The following ARHGAP15 variants were observed in gnomAD, a reference collection of about 807,000 sequenced individuals.
ARHGAP15 encodes rho GTPase-activating protein 15.
A neutral mutation model predicts 63.7 loss-of-function variants in ARHGAP15; 51 were observed. The observed-to-expected ratio is 0.80, with a 90% CI of 0.64 to 1.01. The LOEUF is 1.01. ARHGAP15 is among the 50% of genes least tolerant of loss of function. The pLI is 0.00. For synonymous variants in ARHGAP15, 191 were observed against 193.8 expected (o/e 0.99, Z 0.12); for missense variants, 560 against 564.6 (o/e 0.99, Z 0.08).
intron 11 of ARHGAP15, among the ~76,000 whole-genome samples, chr2:143,561,424 G>A (rs1210854031): frequency 6.6e-6 from 1 of 152,128 alleles, no homozygotes; most frequent in Non-Finnish European, 1.5e-5. Context: ...GTGTCTGTTA[G>A]TACACAGTTA....
chr2:143,167,677 G>A (rs1455779614), intron 2 of ARHGAP15, among the ~76,000 whole-genome samples: 1 of 151,984 alleles, frequency 6.6e-6, no homozygotes, highest in African/African-American at 2.4e-5. Flanking sequence ...TCAGAGGCCT[G>A]TTTCAGACTT....
Position 143,534,426 on chromosome 2 carries a change from G to A in ARHGAP15, c.925+15062G>A, listed in dbSNP as rs58532430. Among the ~76,000 whole-genome samples, 858 of 152,230 alleles carry A rather than the reference G, an allele frequency of 5.6e-3. 9 individuals carry two copies. Among genetic ancestry groups the A allele is most frequent in the African/African-American group, 0.019 (806 of 41,532 alleles). ...ACCCAGTGATGTATACACAGACAAC[G>A]CCACATACAGTAAAACTGCAGGAGA... is the stretch of plus-strand genomic sequence containing the variant. On this transcript the variant is annotated intron_variant, in intron 10 of 13. Coordinates refer to ENST00000295095, the MANE Select transcript of ARHGAP15 (RefSeq NM_018460.4).
intron 11 of ARHGAP15, among the ~76,000 whole-genome samples, chr2:143,563,129 A>C (rs1474837042): frequency 6.6e-6 from 1 of 152,352 alleles, no homozygotes; most frequent in African/African-American, 2.4e-5. Flanking sequence ...GAAGCCTAAT[A>C]GAAATTATTT....
intron 4 of ARHGAP15, among the ~76,000 whole-genome samples, chr2:143,220,035 A>G (rs1156863126): frequency 7.2e-5 from 11 of 152,210 alleles, no homozygotes; most frequent in Non-Finnish European, 7.3e-5. Flanking sequence ...TGAACATTGT[A>G]TATGTAATCA....
At chr2:143,217,870 A>G (rs1692819495) in intron 4 of ARHGAP15, among the ~76,000 whole-genome samples, 1 of 152,220 alleles carries the variant, frequency 6.6e-6, no homozygotes, top group Admixed American at 6.5e-5. Context: ...TAGAGGTGAC[A>G]GCATTGGTCA....
intron 6 of ARHGAP15, among the ~76,000 whole-genome samples, chr2:143,405,618 C>G (rs370006160): frequency 2.6e-5 from 4 of 151,830 alleles, no homozygotes; most frequent in Non-Finnish European, 5.9e-5. Flanking sequence ...TAACAACTTT[C>G]TCACTTGAAG....
At chr2:143,401,091 G>A (rs1011828721) in intron 6 of ARHGAP15, among the ~76,000 whole-genome samples, 4 of 151,916 alleles carry the variant, frequency 2.6e-5, no homozygotes, top group African/African-American at 7.2e-5. Context: ...TTTAAAGAAT[G>A]TGTAGACAAA....
At chr2:143,618,244 ATCT>A (rs1444713298) in intron 11 of ARHGAP15, among the ~76,000 whole-genome samples, 1 of 152,190 alleles carries the variant, frequency 6.6e-6, no homozygotes, top group African/African-American at 2.4e-5. Flanking sequence ...TAAACTAAAA[ATCT>A]TCTATATCCT....
At position 143,523,656 on chromosome 2, in the gene ARHGAP15, T is replaced by A. The variant is rs183382221; in HGVS notation, c.925+4292T>A. On this transcript the variant is annotated intron_variant, in intron 10 of 13. Coordinates refer to ENST00000295095, the MANE Select transcript of ARHGAP15 (RefSeq NM_018460.4). ...AAAGATATTTTTATGGATCCAAAAT[T>A]TTTTTGGTTTTAAGGGAATAACATT... is the stretch of plus-strand genomic sequence containing the variant. 3.8e-3 allele frequency among the ~76,000 whole-genome samples: 580 copies of A among 152,252 alleles called. 6 individuals are homozygous for A. The highest frequency in any genetic ancestry group is 0.013 in the African/African-American group (560 of 41,576).
intron 13 of ARHGAP15, among the ~76,000 whole-genome samples, chr2:143,764,088 A>G (rs554173513): frequency 1.3e-5 from 2 of 152,206 alleles, no homozygotes; most frequent in South Asian, 2.1e-4. Context: ...TAAAACGTGC[A>G]TAAGTTTTAT....
chr2:143,184,738 G>A (rs1691372269), intron 2 of ARHGAP15, among the ~76,000 whole-genome samples: 1 of 152,066 alleles, frequency 6.6e-6, no homozygotes, highest in African/African-American at 2.4e-5. Flanking sequence ...CTGGAGTACA[G>A]TGGCGTGTTT....
chr2:143,409,325 GA>G (rs1688347999), intron 6 of ARHGAP15, among the ~76,000 whole-genome samples: 1 of 151,736 alleles, frequency 6.6e-6, no homozygotes, highest in African/African-American at 2.4e-5. Flanking sequence ...GGACACTAAT[GA>G]GAGAATCTTT....
chr2:143,248,950 T>A (rs34649233), intron 5 of ARHGAP15, among the ~76,000 whole-genome samples: 21 of 152,054 alleles, frequency 1.4e-4, no homozygotes, highest in African/African-American at 4.6e-4. Flanking sequence ...GTACTCTTAA[T>A]GATTATTTTC....
intron 11 of ARHGAP15, among the ~76,000 whole-genome samples, chr2:143,584,495 A>G (rs1052239420): frequency 2.0e-5 from 3 of 151,942 alleles, no homozygotes; most frequent in Non-Finnish European, 4.4e-5. Context: ...GCGTGGTGGC[A>G]GGCACCTGTA....
intron 6 of ARHGAP15, among the ~76,000 whole-genome samples, chr2:143,356,405 A>G (rs1331898107): frequency 1.3e-5 from 2 of 151,882 alleles, no homozygotes; most frequent in South Asian, 4.2e-4. Flanking sequence ...TGAAGGCACC[A>G]CCCCCCTTCC....
At chr2:143,550,203 G>C (rs1041180516) in intron 10 of ARHGAP15, among the ~76,000 whole-genome samples, 2 of 152,060 alleles carry the variant, frequency 1.3e-5, no homozygotes, top group African/African-American at 4.8e-5. Context: ...GAATCAATCT[G>C]ACATCAGACT....
chr2:143,758,433 G>C (rs1686653044), intron 13 of ARHGAP15, among the ~76,000 whole-genome samples: 1 of 151,778 alleles, frequency 6.6e-6, no homozygotes, highest in African/African-American at 2.4e-5. Flanking sequence ...GTTCTGATTA[G>C]TACTTTTTTT....
chr2:143,697,746 G>A (rs1302952290), intron 12 of ARHGAP15, among the ~76,000 whole-genome samples: 2 of 152,174 alleles, frequency 1.3e-5, no homozygotes, highest in East Asian at 1.9e-4. Flanking sequence ...GGCAACTCAA[G>A]TTTTGGCATT....
intron 9 of ARHGAP15, among the ~76,000 whole-genome samples, chr2:143,518,103 G>T (rs1424796563): frequency 6.6e-6 from 1 of 152,048 alleles, no homozygotes; most frequent in Non-Finnish European, 1.5e-5. Flanking sequence ...TGGTGGTGAG[G>T]GTTGCACAAC....
Sources: allele counts gnomAD v4.1 joint callset (sites outside exome capture counted in the v4.1 genomes callset), GRCh38; gene constraint gnomAD v4.1.1; transcripts MANE v1.5; gene names NCBI Gene and HGNC (gene_info 2026-07-23, HGNC 2026-07-21).